The following RBMS3 variants were observed in gnomAD, a reference collection of about 807,000 sequenced individuals.
RBMS3 encodes the protein RNA binding motif single stranded interacting protein 3.
A neutral mutation model predicts 66.8 loss-of-function variants in RBMS3; 27 were observed. That is an observed-to-expected ratio of 0.40 (90% confidence interval 0.30 to 0.56). The LOEUF is 0.56. Ranked by LOEUF, RBMS3 falls within the 20% of genes least tolerant of loss-of-function variation. The pLI is 0.40. For missense variants in RBMS3, 513 were observed against 549.5 expected (o/e 0.93, Z 0.66); for synonymous variants, 188 against 183.0 (o/e 1.03, Z -0.22).
At chr3:29,604,516 C>T (rs1346960014) in intron 4 of RBMS3, among the ~76,000 whole-genome samples, 2 of 151,900 alleles carry the variant, frequency 1.3e-5, no homozygotes, top group African/African-American at 2.4e-5. Flanking sequence ...GGTGGGCTCT[C>T]GGATTTTTAT....
intron 3 of RBMS3, among the ~76,000 whole-genome samples, chr3:29,519,786 G>C (rs907876543): frequency 1.3e-5 from 2 of 152,016 alleles, no homozygotes; most frequent in African/African-American, 2.4e-5. Flanking sequence ...TATTAAAATG[G>C]GAGCTTTACG....
rs76120214 is a variant in RBMS3 at position 29,885,625 on chromosome 3, A to G, written c.791+1417A>G. Among the ~76,000 whole-genome samples the G allele has an allele frequency of 1.4e-4, 21 of 152,054 alleles. No individual in the cohort carries two copies. In the East Asian group the frequency reaches 3.9e-3, roughly 28 times the overall value. ...CATGTGATTACAATTATAAATTTATATTGGAAATTTATACAAAGGAAAATA... is the reference window on the plus strand; with the variant it reads ...CATGTGATTACAATTATAAATTTATGTTGGAAATTTATACAAAGGAAAATA... On this transcript the variant is annotated intron_variant, in intron 8 of 14. Coordinates refer to ENST00000383767, the MANE Select transcript of RBMS3 (RefSeq NM_001003793.3).
At chr3:29,390,427 T>C (rs2039236567) in intron 1 of RBMS3, among the ~76,000 whole-genome samples, 1 of 152,230 alleles carries the variant, frequency 6.6e-6, no homozygotes, top group African/African-American at 2.4e-5. Flanking sequence ...TGACTATCAA[T>C]GCATTTCATT....
intron 5 of RBMS3, among the ~76,000 whole-genome samples, chr3:29,741,403 T>G (rs2149351786): frequency 6.6e-6 from 1 of 152,334 alleles, no homozygotes; most frequent in South Asian, 2.1e-4. Context: ...GCAGTCATTC[T>G]TATATAGTGT....
At chr3:29,305,395 G>C (rs1025027569) in intron 1 of RBMS3, among the ~76,000 whole-genome samples, 5 of 151,894 alleles carry the variant, frequency 3.3e-5, no homozygotes, top group African/African-American at 9.7e-5. Flanking sequence ...TATCCCAAGA[G>C]CTGAGAACAA....
chr3:29,471,219 A>G (rs963960107), intron 2 of RBMS3, among the ~76,000 whole-genome samples: 1 of 152,220 alleles, frequency 6.6e-6, no homozygotes, highest in African/African-American at 2.4e-5. Flanking sequence ...TGCATTTTCC[A>G]ACTCTGAGTT....
intron 5 of RBMS3, among the ~76,000 whole-genome samples, chr3:29,750,068 T>C (rs1170468618): frequency 6.6e-6 from 1 of 152,168 alleles, no homozygotes; most frequent in Non-Finnish European, 1.5e-5. Flanking sequence ...GAGTCAGTAA[T>C]GTTGCAAACA....
At chr3:29,284,883 T>TTA (rs57025817) in intron 1 of RBMS3, among the ~76,000 whole-genome samples, 1 of 146,132 alleles carries the variant, frequency 6.8e-6, no homozygotes, top group African/African-American at 2.5e-5. Context: ...TTTTTTTTTT[T>TTA]ACCAAAAGAA....
intron 4 of RBMS3, among the ~76,000 whole-genome samples, chr3:29,666,987 A>C: frequency 6.6e-6 from 1 of 152,304 alleles, no homozygotes; most frequent in Admixed American, 6.5e-5. Context: ...GAATAAAAAC[A>C]GTTTTACTGC....
intron 1 of RBMS3, among the ~76,000 whole-genome samples, chr3:29,369,353 C>G (rs1246985088): frequency 2.0e-5 from 3 of 151,930 alleles, no homozygotes; most frequent in Admixed American, 1.3e-4. Flanking sequence ...TAGGTTGGTG[C>G]AAAAGCAATT....
intron 4 of RBMS3, among the ~76,000 whole-genome samples, chr3:29,659,368 A>G (rs779007863): frequency 1.3e-5 from 2 of 152,094 alleles, no homozygotes; most frequent in Non-Finnish European, 2.9e-5. Flanking sequence ...CTCCATACCC[A>G]TTGAACAATA....
At chr3:29,501,516 C>T (rs1559415856) in intron 3 of RBMS3, among the ~76,000 whole-genome samples, 1 of 152,150 alleles carries the variant, frequency 6.6e-6, no homozygotes, top group Non-Finnish European at 1.5e-5. Flanking sequence ...CTGTTGCAAG[C>T]CCGAGGTTAA....
At chr3:29,971,531 TA>T (rs1381207087) in intron 12 of RBMS3, among the ~76,000 whole-genome samples, 3 of 152,128 alleles carry the variant, frequency 2.0e-5, no homozygotes, top group Admixed American at 6.6e-5. Flanking sequence ...TTATTCAATT[TA>T]AAAAAAGAAG....
intron 1 of RBMS3, among the ~76,000 whole-genome samples, chr3:29,384,435 T>TAATAATAATAATAATAATAATAAGAAG (rs776357215): frequency 5.0e-5 from 7 of 141,038 alleles, no homozygotes; most frequent in East Asian, 2.1e-4. Context: ...ATAATAATAA[T>TAATAATAATAATAATAATAATAAGAAG]AAGAAGAAGA....
At chr3:29,681,638 G>C (rs962507851) in intron 4 of RBMS3, among the ~76,000 whole-genome samples, 2 of 152,090 alleles carry the variant, frequency 1.3e-5, no homozygotes, top group Admixed American at 1.3e-4. Context: ...GTTTGCTGAG[G>C]ATAATGGCTT....
At chr3:29,856,043 G>A (rs534783777) in intron 6 of RBMS3, among the ~76,000 whole-genome samples, 6 of 152,228 alleles carry the variant, frequency 3.9e-5, no homozygotes, top group African/African-American at 1.2e-4. Flanking sequence ...ACTCACACAA[G>A]AATAAATGAA....
At chr3:29,708,607 G>A (rs1303269548) in intron 4 of RBMS3, among the ~76,000 whole-genome samples, 1 of 152,106 alleles carries the variant, frequency 6.6e-6, no homozygotes, top group Non-Finnish European at 1.5e-5. Context: ...AAGATGCTAG[G>A]AGAAGTCACC....
intron 2 of RBMS3, among the ~76,000 whole-genome samples, chr3:29,449,989 C>A (rs1054557837): frequency 6.6e-6 from 1 of 152,116 alleles, no homozygotes; most frequent in Non-Finnish European, 1.5e-5. Flanking sequence ...AGAAATGGAG[C>A]AGCATATTTC....
In RBMS3 at chr3:29,337,954, T is replaced by C. The variant is rs148437266; in HGVS notation, c.75+56198T>C. Reference sequence around the variant, plus strand: ...TGGAAAACAACTCTGTTGACTACCTTATAACCTTGGCTAGAATGGTATAAA... The same window carrying C: ...TGGAAAACAACTCTGTTGACTACCTCATAACCTTGGCTAGAATGGTATAAA... On this transcript the variant is annotated intron_variant, in intron 1 of 14. Transcript: ENST00000383767. Among the ~76,000 whole-genome samples, 213 of 152,264 alleles carry C rather than the reference T, an allele frequency of 1.4e-3. 1 individual carries two copies. The highest frequency in any genetic ancestry group is 0.013 in the Admixed American group (191 of 15,280).
Sources: gnomAD v4.1 joint callset for allele counts (sites outside exome capture counted in the v4.1 genomes callset) on GRCh38, gnomAD v4.1.1 for gene constraint, MANE v1.5 for transcripts, NCBI Gene and HGNC (gene_info 2026-07-23, HGNC 2026-07-21) for gene names.